ZNF675: variants seen among roughly 807,000 people sequenced by gnomAD.
ZNF675 encodes TRAF6 inhibitory zinc finger.
In ZNF675, 36 loss-of-function variants were observed where a neutral mutation model predicts 56.1. That is an observed-to-expected ratio of 0.64 (90% CI 0.49 to 0.85). ZNF675 has a LOEUF of 0.85. ZNF675 is among the 40% of genes least tolerant of loss of function. The pLI, the probability that ZNF675 is intolerant of heterozygous loss-of-function variation, is 0.00. For synonymous variants in ZNF675, 200 were observed against 218.9 expected (o/e 0.91, Z 0.76); for missense variants, 663 against 654.2 (o/e 1.01, Z -0.15).
rs149361152 is a variant in ZNF675, at chr19:23,675,938, G to A, written c.3+11093C>T. 1.8e-3 allele frequency among the ~76,000 whole-genome samples: 247 copies of A among 133,692 alleles called. 2 individuals are homozygous for A. The highest frequency in any genetic ancestry group is 0.012 in the Middle Eastern group (3 of 258). The allele number at this position is 133,692 out of a possible 152,430, so 87.7% of individuals were successfully genotyped here. A position where few individuals can be genotyped will look rare whatever the true frequency, so the allele number is the denominator to read the frequency against. On this transcript the variant is annotated intron_variant, in intron 1 of 3. Coordinates refer to ENST00000359788, the MANE Select transcript of ZNF675 (RefSeq NM_138330.3). ...TAAATGTTTTGAAAAAACTCAGTAA[G>A]ATAAATAAACCACTAGCTAGATTAA...
At chr19:23,680,461 T>C (rs1331939112) in intron 1 of ZNF675, among the ~76,000 whole-genome samples, 3 of 151,212 alleles carry the variant, frequency 2.0e-5, no homozygotes, top group East Asian at 3.9e-4. Flanking sequence ...CATGTTATTA[T>C]TTATAAATAA....
chr19:23,681,045 A>G (rs1192098798), intron 1 of ZNF675, among the ~76,000 whole-genome samples: 2 of 151,756 alleles, frequency 1.3e-5, no homozygotes, highest in East Asian at 3.9e-4. Flanking sequence ...AGTGCAATGT[A>G]AGTGGAAGGA....
rs376077816 is a variant in ZNF675 at position 23,653,662 on chromosome 19, T to C, written c.1271A>G (p.Tyr424Cys). ...AGCTTTGCCACATTCTTCACATTTG[T>C]AGGGTTTCTCTCCAGTGTGAATTCT... is the stretch of plus-strand genomic sequence containing the variant. ...HKRIHTGEKP[Y>C]KCEECGKAFN... The change falls in exon 4 of 4, where the codon TAC becomes TGC. Residue 424 changes from tyrosine (Y) to cysteine (C), a missense_variant. Around this residue, in one of 3 missense-constraint regions of ZNF675, gnomAD observed 617 missense variants for 590.5 expected, o/e 1.04. Transcript: ENST00000359788. 1.2e-5 allele frequency: 19 copies of C among 1,613,854 alleles called. No individual in the cohort carries two copies. In the African/African-American group the frequency reaches 2.5e-4, roughly 22 times the overall value.
In ZNF675 at chr19:23,654,244, C is replaced by A. The variant is rs780857344; in HGVS notation, c.689G>T (p.Cys230Phe). 2 of 1,613,802 alleles carry A rather than the reference C, an allele frequency of 1.2e-6. No individual in the cohort carries two copies. The highest frequency in any genetic ancestry group is 1.7e-5 in the Admixed American group (1 of 59,956). Reference protein sequence around the residue: ...RIYTCEKLYKCQECDRTFNQF... With the variant: ...RIYTCEKLYKFQECDRTFNQF... The stretch of plus-strand genomic sequence containing the variant: ...GTTAAAAGTTCTGTCACATTCTTGA[C>A]ATTTGTAGAGTTTCTCACAAGTATA... The change falls in exon 4 of 4, where the codon TGT becomes TTT. Residue 230 changes from cysteine (C) to phenylalanine (F), a missense_variant. Cys to Phe is a radical substitution (Grantham distance 205). Coordinates refer to ENST00000359788, the MANE Select transcript of ZNF675 (RefSeq NM_138330.3).
chr19:23,682,255 T>G (rs933306720), intron 1 of ZNF675, among the ~76,000 whole-genome samples: 4 of 151,836 alleles, frequency 2.6e-5, no homozygotes, highest in African/African-American at 9.7e-5. Context: ...TTTTCTGATC[T>G]AAAACCTGAC....
At chr19:23,679,783 G>A (rs1190387289) in intron 1 of ZNF675, among the ~76,000 whole-genome samples, 1 of 151,390 alleles carries the variant, frequency 6.6e-6, no homozygotes, top group African/African-American at 2.4e-5. Flanking sequence ...CTGAGATCAG[G>A]AGTTTGAAAC....
intron 1 of ZNF675, among the ~76,000 whole-genome samples, chr19:23,679,800 G>A (rs1198806379): frequency 6.6e-6 from 1 of 151,112 alleles, no homozygotes; most frequent in Non-Finnish European, 1.5e-5. Context: ...AAACCAGTCT[G>A]GCCAACATGG....
At chr19:23,659,761 A>G (rs6511467) in intron 3 of ZNF675, among the ~76,000 whole-genome samples, 151,922 of 152,238 alleles carry the variant, frequency 1, 75,806 homozygotes, top group Middle Eastern at 1. Flanking sequence ...CAAACTCCTC[A>G]CAGCCAAAGT....
In ZNF675 at chr19:23,654,279, A is replaced by G. The variant is rs368119655; in HGVS notation, c.654T>C (p.His218=). The change falls in exon 4 of 4, where the codon CAT becomes CAC. Residue 218 remains histidine (H), a synonymous_variant. Transcript: ENST00000359788. ...AVNQSSKLTK[H]KRIYTCEKLY... is the part of the protein sequence containing the mutation. The stretch of plus-strand genomic sequence containing the variant: ...GTTTCTCACAAGTATAAATTCTTTT[A>G]TGTTTAGTAAGCTTTGAAGATTGGT... 4.3e-6 allele frequency: 7 copies of G among 1,611,856 alleles called. No homozygotes were observed. The highest frequency in any genetic ancestry group is 3.4e-6 in the Non-Finnish European group (4 of 1,179,528).
intron 1 of ZNF675, among the ~76,000 whole-genome samples, chr19:23,671,653 C>T (rs749913863): frequency 6.6e-6 from 1 of 151,820 alleles, no homozygotes; most frequent in Non-Finnish European, 1.5e-5. Flanking sequence ...ATCTTCCTCA[C>T]TGCCCCTGTC....
chr19:23,673,458 A>C (rs1368369567), intron 1 of ZNF675, among the ~76,000 whole-genome samples: 1 of 152,224 alleles, frequency 6.6e-6, no homozygotes, highest in Non-Finnish European at 1.5e-5. Flanking sequence ...GCCCCTCCAG[A>C]AGTGACTGTA....
chr19:23,659,465 A>G (rs10854071), intron 3 of ZNF675, among the ~76,000 whole-genome samples: 147,853 of 152,194 alleles, frequency 0.97, 71,981 homozygotes, highest in Middle Eastern at 1. Context: ...AAGATACATG[A>G]TATATTAAGT....
Position 23,654,420 on chromosome 19 carries a change from AG to A in ZNF675, c.512del (p.Pro171LeufsTer17). ...ATCTGCCACATTCTTTACATTTGAAAGGTTTATTTTCCATATGTTTTATCTT... is the reference window on the plus strand; with the variant it reads ...ATCTGCCACATTCTTTACATTTGAAAGTTTATTTTCCATATGTTTTATCTT... Reference protein sequence around the residue: ...RHKIKHMENKPFKCKECGRSF... With the variant: ...RHKIKHMENKXFKCKECGRSF... On this transcript the variant is annotated frameshift_variant, in exon 4 of 4. Transcript: ENST00000359788. LOFTEE classifies it high-confidence loss of function. 6.2e-7 allele frequency: 1 copy of A among 1,610,544 alleles called. No homozygotes were observed. Among genetic ancestry groups the A allele is most frequent in the Non-Finnish European group, 8.5e-7 (1 of 1,178,024 alleles).
intron 1 of ZNF675, among the ~76,000 whole-genome samples, chr19:23,673,032 A>G (rs1279121240): frequency 1.3e-5 from 2 of 152,238 alleles, no homozygotes; most frequent in Non-Finnish European, 2.9e-5. Context: ...AATAGCAAAC[A>G]GTTTCAAGGT....
At position 23,653,630 on chromosome 19, in the gene ZNF675, G is replaced by A. The variant is rs199957959; in HGVS notation, c.1303C>T (p.Arg435Ter). The A allele has an allele frequency of 3.0e-5, 48 of 1,612,628 alleles. 1 individual carries two copies. Among genetic ancestry groups the A allele is most frequent in the South Asian group, 1.8e-4 (16 of 90,972 alleles). Residue 435 changes from arginine to a stop codon, truncating the protein, a stop_gained, in exon 4 of 4, where the codon CGA becomes TGA. Transcript: ENST00000359788. LOFTEE classifies it high-confidence loss of function. ...KCEECGKAFN[R>*]SSKLTEHKKL... ...TTATGTTCAGTAAGTTTTGAGGATC[G>A]GTTAAAAGCTTTGCCACATTCTTCA...
chr19:23,656,808 G>T (rs1379463289), intron 3 of ZNF675: 1 of 151,022 alleles, frequency 6.6e-6, no homozygotes, highest in East Asian at 2.0e-4. Flanking sequence ...AAAGTGCAAG[G>T]GTGTTTGTCA....
intron 3 of ZNF675, among the ~76,000 whole-genome samples, chr19:23,659,020 T>G (rs911748837): frequency 6.7e-6 from 1 of 148,814 alleles, no homozygotes; most frequent in African/African-American, 2.4e-5. Context: ...ATGTTAAATA[T>G]ATAAAAATAT....
intron 1 of ZNF675, chr19:23,686,057 A>G (rs940182960): frequency 3.9e-5 from 6 of 152,240 alleles, no homozygotes; most frequent in Non-Finnish European, 5.9e-5. Flanking sequence ...GGCTTAACCA[A>G]TCATAAACTG....
intron 1 of ZNF675, among the ~76,000 whole-genome samples, chr19:23,678,681 T>A (rs1225593345): frequency 6.7e-6 from 1 of 148,694 alleles, no homozygotes; most frequent in African/African-American, 2.6e-5. Flanking sequence ...CAACTTTATC[T>A]TACAAAGCTA....
Sources: allele counts gnomAD v4.1 joint callset (sites outside exome capture counted in the v4.1 genomes callset), GRCh38; gene constraint gnomAD v4.1.1; regional missense constraint gnomAD v4.1.1; transcripts MANE v1.5; gene names NCBI Gene and HGNC (gene_info 2026-07-23, HGNC 2026-07-21).